RCAN2: variants seen among roughly 807,000 people sequenced by gnomAD.
RCAN2 encodes calcipressin-2.
A neutral mutation model predicts 23.6 loss-of-function variants in RCAN2; 9 were observed. The observed-to-expected ratio is 0.38, with a 90% CI of 0.23 to 0.67. The LOEUF is 0.67. Among genes scored for constraint, RCAN2 ranks in the 30% least tolerant of loss-of-function variants. The probability of loss-of-function intolerance (pLI) is 0.51; values close to 1 mark genes in which losing one functional copy is unlikely to be tolerated. For missense variants in RCAN2, 273 were observed against 302.3 expected (o/e 0.90, Z 0.72); for synonymous variants, 109 against 115.7 (o/e 0.94, Z 0.37).
intron 2 of RCAN2, among the ~76,000 whole-genome samples, chr6:46,428,780 T>G (rs983158279): frequency 1.3e-5 from 2 of 152,216 alleles, no homozygotes; most frequent in Admixed American, 1.3e-4. Context: ...TGGAGGCAAT[T>G]TAGCTGAAAG....
chr6:46,255,081 C>T (rs1766860780), intron 2 of RCAN2, among the ~76,000 whole-genome samples: 1 of 152,186 alleles, frequency 6.6e-6, no homozygotes, highest in Non-Finnish European at 1.5e-5. Flanking sequence ...GTTTGTGGCA[C>T]TTGGTTACAA....
At chr6:46,488,472 A>T (rs1769053379) in intron 1 of RCAN2, among the ~76,000 whole-genome samples, 1 of 152,212 alleles carries the variant, frequency 6.6e-6, no homozygotes, top group South Asian at 2.1e-4. Flanking sequence ...AACTGAGTTC[A>T]TACTACCACT....
chr6:46,343,835 A>G (rs1320628559), intron 2 of RCAN2, among the ~76,000 whole-genome samples: 1 of 152,230 alleles, frequency 6.6e-6, no homozygotes, highest in Non-Finnish European at 1.5e-5. Context: ...ATGGCCAAAA[A>G]ATGAAAATAA....
intron 2 of RCAN2, among the ~76,000 whole-genome samples, chr6:46,440,828 C>T (rs1165783162): frequency 1.3e-5 from 2 of 152,126 alleles, no homozygotes; most frequent in Admixed American, 6.5e-5. Context: ...AAAAGTATCA[C>T]GTGAACCTTA....
At chr6:46,421,448 G>A (rs2150412418) in intron 2 of RCAN2, among the ~76,000 whole-genome samples, 1 of 152,334 alleles carries the variant, frequency 6.6e-6, no homozygotes. Context: ...AAACTCAAGT[G>A]AGTGAAGTAA....
At chr6:46,447,831 T>C (rs1358353885) in intron 2 of RCAN2, among the ~76,000 whole-genome samples, 1 of 151,620 alleles carries the variant, frequency 6.6e-6, no homozygotes, top group Non-Finnish European at 1.5e-5. Context: ...TAGCATACTA[T>C]GAGATACAGC....
At chr6:46,356,297 TG>T (rs35098280) in intron 2 of RCAN2, among the ~76,000 whole-genome samples, 1 of 152,148 alleles carries the variant, frequency 6.6e-6, no homozygotes, top group African/African-American at 2.4e-5. Context: ...TGGACAAGTC[TG>T]GGGTCAGTGA....
At chr6:46,405,147 T>C (rs1211101122) in intron 2 of RCAN2, among the ~76,000 whole-genome samples, 1 of 152,168 alleles carries the variant, frequency 6.6e-6, no homozygotes, top group East Asian at 1.9e-4. Flanking sequence ...ATCTGGAGTC[T>C]GTCCCTTCTG....
chr6:46,243,104 G>T lies in RCAN2; in HGVS notation c.571+3644C>A, dbSNP rs560260551. 7.9e-5 allele frequency among the ~76,000 whole-genome samples: 12 copies of T among 152,320 alleles called. No homozygotes were observed. In the South Asian group the frequency reaches 2.5e-3, roughly 32 times the overall value. Reference sequence around the variant, plus strand: ...CTTGCCTTGGCACCTGGTTGGGAAGGGGGCAGAGACGCGATGTGGGGGAGG... The same window carrying T: ...CTTGCCTTGGCACCTGGTTGGGAAGTGGGCAGAGACGCGATGTGGGGGAGG... On this transcript the variant is annotated intron_variant, in intron 4 of 4. Transcript: ENST00000371374.
chr6:46,398,160 A>AAT (rs1406586663), intron 2 of RCAN2, among the ~76,000 whole-genome samples: 1 of 152,174 alleles, frequency 6.6e-6, no homozygotes, highest in Non-Finnish European at 1.5e-5. Context: ...AGGGTATACA[A>AAT]ATATATATGT....
chr6:46,372,681 G>A (rs1368395201), intron 2 of RCAN2, among the ~76,000 whole-genome samples: 4 of 152,162 alleles, frequency 2.6e-5, no homozygotes, highest in Non-Finnish European at 5.9e-5. Flanking sequence ...AATTATTTTT[G>A]GATATTCACA....
intron 2 of RCAN2, among the ~76,000 whole-genome samples, chr6:46,304,705 A>T (rs571004633): frequency 6.6e-6 from 1 of 152,174 alleles, no homozygotes; most frequent in Non-Finnish European, 1.5e-5. Context: ...GGAGGTGGAG[A>T]GGAGGGGAAG....
At chr6:46,394,158 T>C (rs1766017984) in intron 2 of RCAN2, among the ~76,000 whole-genome samples, 1 of 152,216 alleles carries the variant, frequency 6.6e-6, no homozygotes, top group African/African-American at 2.4e-5. Flanking sequence ...AGCTAATGCT[T>C]CTCTCCTTTA....
intron 1 of RCAN2, among the ~76,000 whole-genome samples, chr6:46,481,929 C>T (rs1016046626): frequency 6.6e-6 from 1 of 151,910 alleles, no homozygotes; most frequent in African/African-American, 2.4e-5. Flanking sequence ...TGTGTTTAAG[C>T]AATGATTAGG....
intron 2 of RCAN2, among the ~76,000 whole-genome samples, chr6:46,321,929 C>T (rs1201006854): frequency 2.0e-5 from 3 of 152,202 alleles, no homozygotes; most frequent in South Asian, 2.1e-4. Context: ...TGGCTGACCT[C>T]ACCTGTACCT....
Position 46,456,981 on chromosome 6 carries a change from G to A in RCAN2, c.-2-3C>T. ...GAAGTATGATTCTCCCCTCATTCCT[G>A]GGGATACAAAGATGAGCATGTGTTA... On this transcript the variant is annotated splice_polypyrimidine_tract_variant and splice_region_variant and intron_variant, in intron 1 of 4. Transcript: ENST00000371374. 6.5e-7 allele frequency: 1 copy of A among 1,545,048 alleles called. No homozygotes were observed. The highest frequency in any genetic ancestry group is 2.4e-5 in the East Asian group (1 of 40,898).
chr6:46,343,371 A>G (rs1317395143), intron 2 of RCAN2, among the ~76,000 whole-genome samples: 1 of 137,758 alleles, frequency 7.3e-6, no homozygotes, highest in Non-Finnish European at 1.6e-5. Flanking sequence ...CACTTGGGAA[A>G]ACAATTTTTT....
chr6:46,484,026 A>C (rs1254047526), intron 1 of RCAN2, among the ~76,000 whole-genome samples: 1 of 152,238 alleles, frequency 6.6e-6, no homozygotes, highest in African/African-American at 2.4e-5. Flanking sequence ...ATTAAACCTC[A>C]TAAGAGAAGT....
intron 2 of RCAN2, among the ~76,000 whole-genome samples, chr6:46,403,195 G>T (rs1180777122): frequency 6.6e-6 from 1 of 152,024 alleles, no homozygotes; most frequent in African/African-American, 2.4e-5. Flanking sequence ...TCAATCTCCT[G>T]ACCTTGTGAT....
Sources: allele counts gnomAD v4.1 joint callset (sites outside exome capture counted in the v4.1 genomes callset), GRCh38; gene constraint gnomAD v4.1.1; transcripts MANE v1.5; gene names NCBI Gene and HGNC (gene_info 2026-07-23, HGNC 2026-07-21).